Variants in PROX1 observed in about 807,000 individuals in gnomAD.
PROX1 encodes the protein prospero homeobox protein 1.
Under a neutral mutation model 58.8 loss-of-function variants are expected in PROX1, and 7 were observed. That is an observed-to-expected ratio of 0.12 (90% CI 0.07 to 0.22). The LOEUF (loss-of-function observed/expected upper bound fraction) is 0.22, where lower values mean the gene tolerates loss of function less well. Among genes scored for constraint, PROX1 ranks in the 10% least tolerant of loss-of-function variants. The pLI is 1.00. For missense variants in PROX1, 675 were observed against 927.8 expected (o/e 0.73, Z 3.54); for synonymous variants, 350 against 358.3 (o/e 0.98, Z 0.26).
chr1:214,022,027 C>T (rs1231452672), intron 4 of PROX1, among the ~76,000 whole-genome samples: 3 of 152,200 alleles, frequency 2.0e-5, no homozygotes, highest in Admixed American at 6.5e-5. Context: ...ATGAAATGTT[C>T]ACCTGCAAGT....
chr1:214,039,042 ATATG>A lies in PROX1; in HGVS notation c.*3210_*3213del, dbSNP rs1664921048. Reference sequence around the variant, plus strand: ...AGCAATATTTCATACCATGTGCTATATATGTGTGCGCAGATGTGTGAACATAAAA... The same window carrying A: ...AGCAATATTTCATACCATGTGCTATATGTGCGCAGATGTGTGAACATAAAA... On this transcript the variant is annotated 3_prime_UTR_variant, in exon 5 of 5. Transcript: ENST00000366958. 1 of 152,238 alleles carries A rather than the reference ATATG, an allele frequency of 6.6e-6. No individual in the cohort carries two copies. The highest frequency in any genetic ancestry group is 1.5e-5 in the Non-Finnish European group (1 of 68,038). The allele number at this position is 152,238 out of a possible 1,614,324, so 9.4% of individuals were successfully genotyped here. A position where few individuals can be genotyped will look rare whatever the true frequency, so the allele number is the denominator to read the frequency against.
intron 2 of PROX1, among the ~76,000 whole-genome samples, chr1:214,003,976 T>G (rs61320678): frequency 3.2e-4 from 49 of 152,092 alleles, no homozygotes; most frequent in East Asian, 7.8e-4. Context: ...GTGAGTGTGT[T>G]TGTGTGTGTG....
rs865789204 is a variant in PROX1, at chr1:213,994,793, A to C, written c.-67-1676A>C. ...TATATATATATATATATATATATAT[A>C]TATATATATAAAGAGGTATCATTTT... On this transcript the variant is annotated intron_variant, in intron 1 of 4. Coordinates refer to ENST00000366958, the MANE Select transcript of PROX1 (RefSeq NM_001270616.2). Among the ~76,000 whole-genome samples the C allele has an allele frequency of 2.8e-3, 250 of 89,130 alleles. 1 individual carries two copies. The highest frequency in any genetic ancestry group is 9.6e-3 in the African/African-American group (231 of 24,044). The allele number at this position is 89,130 out of a possible 152,430, so 58.5% of individuals were successfully genotyped here. A position where few individuals can be genotyped will look rare whatever the true frequency, so the allele number is the denominator to read the frequency against.
intron 1 of PROX1, among the ~76,000 whole-genome samples, chr1:213,989,164 G>T (rs868179518): frequency 1.4e-4 from 22 of 152,028 alleles, no homozygotes; most frequent in Admixed American, 2.6e-4. Flanking sequence ...GAGGTGGGGG[G>T]GCGCTCTGTT....
chr1:213,992,335 G>T (rs1403938952), intron 1 of PROX1, among the ~76,000 whole-genome samples: 1 of 152,052 alleles, frequency 6.6e-6, no homozygotes, highest in African/African-American at 2.4e-5. Context: ...AATATCAAAG[G>T]TTTTCTTAAC....
At chr1:214,028,746 T>C (rs979068089) in intron 4 of PROX1, 4 of 152,246 alleles carry the variant, frequency 2.6e-5, no homozygotes, top group Non-Finnish European at 4.4e-5. Context: ...GGATTCACTG[T>C]GTATAGCATC....
intron 4 of PROX1, chr1:214,030,461 G>A (rs557058914): frequency 6.6e-6 from 1 of 152,352 alleles, no homozygotes; most frequent in Non-Finnish European, 1.5e-5. Flanking sequence ...AGGGAAAGAA[G>A]TCGATGCCTG....
intron 1 of PROX1, among the ~76,000 whole-genome samples, chr1:213,992,450 G>A (rs965074124): frequency 4.6e-5 from 7 of 152,030 alleles, no homozygotes; most frequent in South Asian, 2.1e-4. Flanking sequence ...TGATTCAGGG[G>A]CTACTTAAAT....
chr1:214,014,697 A>G (rs550389584), intron 4 of PROX1, among the ~76,000 whole-genome samples: 21 of 152,342 alleles, frequency 1.4e-4, no homozygotes, highest in Non-Finnish European at 2.4e-4. Flanking sequence ...AAGTTATTCT[A>G]ACTGGGCAGA....
chr1:213,993,015 G>A (rs1663091615), intron 1 of PROX1, among the ~76,000 whole-genome samples: 1 of 152,154 alleles, frequency 6.6e-6, no homozygotes, highest in Non-Finnish European at 1.5e-5. Flanking sequence ...AACCTGTTTT[G>A]ATTATACCTG....
rs1159501187 is a variant in PROX1 at position 214,012,750 on chromosome 1, G to A, written c.2028+1035G>A. On this transcript the variant is annotated intron_variant, in intron 4 of 4. Coordinates refer to ENST00000366958, the MANE Select transcript of PROX1 (RefSeq NM_001270616.2). ...TAGATGCTGTGCCATCTTGAGGGTA[G>A]GAATTTTTTCTCCAACGTCTGTGTG... is the stretch of plus-strand genomic sequence containing the variant. Among the ~76,000 whole-genome samples, 3 of 152,128 alleles carry A rather than the reference G, an allele frequency of 2.0e-5. No homozygotes were observed. The East Asian group carries it at 5.8e-4, about 29-fold the overall frequency.
intron 4 of PROX1, chr1:214,030,196 G>C (rs1038040078): frequency 6.6e-6 from 1 of 152,448 alleles, no homozygotes; most frequent in Non-Finnish European, 1.5e-5. Context: ...AAAAAAAAAT[G>C]GAGGAGGAAG....
At chr1:214,003,551 A>G (rs1415793997) in intron 2 of PROX1, among the ~76,000 whole-genome samples, 1 of 152,224 alleles carries the variant, frequency 6.6e-6, no homozygotes, top group Non-Finnish European at 1.5e-5. Context: ...AAGGATCTCA[A>G]ACAAAAACAC....
At chr1:213,995,942 AT>A (rs1326306860) in intron 1 of PROX1, among the ~76,000 whole-genome samples, 3 of 152,234 alleles carry the variant, frequency 2.0e-5, no homozygotes, top group Admixed American at 6.5e-5. Context: ...AAATTCAAGA[AT>A]AAAAGCTCTC....
chr1:213,992,456 TAAATC>T (rs953748888), intron 1 of PROX1, among the ~76,000 whole-genome samples: 1 of 152,156 alleles, frequency 6.6e-6, no homozygotes, highest in Non-Finnish European at 1.5e-5. Flanking sequence ...AGGGGCTACT[TAAATC>T]AGACCATCTG....
chr1:214,005,245 G>A lies in PROX1; in HGVS notation c.1806G>A (p.Met602Ile). 1 of 1,613,480 alleles carries A rather than the reference G, an allele frequency of 6.2e-7. No individual in the cohort carries two copies. The highest frequency in any genetic ancestry group is 8.5e-7 in the Non-Finnish European group (1 of 1,179,462). ...FFYTRYPSSN[M>I]LKTYFSDVKF... ...ATACCCGTTATCCCAGCTCCAATAT[G>A]CTGAAGACCTACTTCTCCGACGTAA... The change falls in exon 3 of 5, where the codon ATG becomes ATA. Residue 602 changes from methionine (M) to isoleucine (I), a missense_variant. Coordinates refer to ENST00000366958, the MANE Select transcript of PROX1 (RefSeq NM_001270616.2).
chr1:214,005,295 A>AT (rs1181484717), intron 3 of PROX1, 23 bp downstream of exon 3: 2 of 1,557,896 alleles, frequency 1.3e-6, no homozygotes, highest in Non-Finnish European at 1.8e-6. Flanking sequence ...TTTATTCTTA[A>AT]TTTTTTCATT....
At chr1:214,010,820 C>T (rs1394445185) in intron 3 of PROX1, among the ~76,000 whole-genome samples, 2 of 152,194 alleles carry the variant, frequency 1.3e-5, no homozygotes, top group Non-Finnish European at 2.9e-5. Context: ...CCATGCCTCC[C>T]AAATGGCAGA....
In PROX1 at chr1:214,038,221, C is replaced by T. The variant is rs1664892255; in HGVS notation, c.*2387C>T. On this transcript the variant is annotated 3_prime_UTR_variant, in exon 5 of 5. Coordinates refer to ENST00000366958, the MANE Select transcript of PROX1 (RefSeq NM_001270616.2). ...GTTCACTGAGGCATAGAAATTATTT[C>T]AGAGTAGAAATTGCAGCATGAGGAT... 6.6e-6 allele frequency: 1 copy of T among 152,130 alleles called. No homozygotes were observed. Among genetic ancestry groups the T allele is most frequent in the South Asian group, 2.1e-4 (1 of 4,836 alleles). The allele number at this position is 152,130 out of a possible 1,614,324, so 9.4% of individuals were successfully genotyped here. A position where few individuals can be genotyped will look rare whatever the true frequency, so the allele number is the denominator to read the frequency against.
Sources: gnomAD v4.1 joint callset for allele counts (sites outside exome capture counted in the v4.1 genomes callset) on GRCh38, gnomAD v4.1.1 for gene constraint, MANE v1.5 for transcripts, NCBI Gene and HGNC (gene_info 2026-07-23, HGNC 2026-07-21) for gene names.